The following LAMA1 variants were observed in gnomAD, a reference collection of about 807,000 sequenced individuals.
LAMA1 encodes laminin subunit alpha 1, also known as laminin subunit alpha-1.
A neutral mutation model predicts 348.7 loss-of-function variants in LAMA1; 219 were observed. The observed-to-expected ratio is 0.63, with a 90% CI of 0.56 to 0.70. The LOEUF (loss-of-function observed/expected upper bound fraction) is 0.70. Among genes scored for constraint, LAMA1 ranks in the 30% least tolerant of loss-of-function variants. The pLI is 0.00. For synonymous variants in LAMA1, 1,487 were observed against 1,491.0 expected (o/e 1.00, Z 0.06); for missense variants, 3,744 against 3,888.0 (o/e 0.96, Z 0.99).
intron 3 of LAMA1, among the ~76,000 whole-genome samples, chr18:7,069,555 T>C (rs1255284344): frequency 6.6e-6 from 1 of 152,130 alleles, no homozygotes; most frequent in African/African-American, 2.4e-5. Context: ...GGGTGGCTCA[T>C]ACAGCACAGG....
At chr18:7,049,370 G>A in intron 4 of LAMA1, 113 bp from the exon 5 acceptor site, 2 of 939,172 alleles carry the variant, frequency 2.1e-6, no homozygotes, top group Non-Finnish European at 3.3e-6. Flanking sequence ...CACAATCTTG[G>A]CTCACTGTAA....
intron 36 of LAMA1, among the ~76,000 whole-genome samples, chr18:6,988,551 G>A (rs1044110615): frequency 1.3e-5 from 2 of 152,252 alleles, no homozygotes; most frequent in South Asian, 2.1e-4. Flanking sequence ...TGTAATCCCC[G>A]CACTTTGGGA....
At chr18:7,014,196 G>A (rs900058506) in intron 22 of LAMA1, 145 bp from the exon 23 acceptor site, 18 of 748,876 alleles carry the variant, frequency 2.4e-5, no homozygotes, top group African/African-American at 1.9e-4. Context: ...ATGGATTCAC[G>A]TTGCCATGTG....
Position 7,014,069 on chromosome 18 carries a change from CA to C in LAMA1, c.3127-19del. 6.3e-7 allele frequency: 1 copy of C among 1,595,464 alleles called. No individual in the cohort carries two copies. The highest frequency in any genetic ancestry group is 8.6e-7 in the Non-Finnish European group (1 of 1,163,668). ...TTGCAGGCCTGAGAGAAGGGAAAAC[CA>C]ACTCAATTAAAAAGGCAGATTTGAT... On this transcript the variant is annotated intron_variant, in intron 22 of 62. Coordinates refer to ENST00000389658, the MANE Select transcript of LAMA1 (RefSeq NM_005559.4).
At chr18:7,017,522 A>G (rs1414335955) in intron 19 of LAMA1, 138 bp from the exon 20 acceptor site, 1 of 723,364 alleles carries the variant, frequency 1.4e-6, no homozygotes, top group African/African-American at 1.8e-5. Context: ...ATTATTGGCA[A>G]TAACTTTAGA....
chr18:6,955,506 C>T (rs369528705), intron 56 of LAMA1, 41 bp from the exon 57 acceptor site: 2 of 1,476,876 alleles, frequency 1.4e-6, no homozygotes, highest in South Asian at 1.1e-5. Flanking sequence ...CCACCCGCAG[C>T]CCGAACCCCA....
chr18:6,984,031 A>G (rs1403906421), intron 39 of LAMA1, among the ~76,000 whole-genome samples: 2 of 152,166 alleles, frequency 1.3e-5, no homozygotes, highest in Non-Finnish European at 2.9e-5. Flanking sequence ...AATTGTTTCT[A>G]TTACTCATAC....
intron 19 of LAMA1, among the ~76,000 whole-genome samples, chr18:7,018,336 CAAAAAAAAAA>C (rs764975447): frequency 1.4e-4 from 6 of 44,206 alleles, no homozygotes; most frequent in Non-Finnish European, 2.2e-4. Context: ...AACTCCATCT[CAAAAAAAAAA>C]AAAAAAAAAA....
At chr18:6,997,542 C>T (rs953403999) in intron 33 of LAMA1, among the ~76,000 whole-genome samples, 200 bp downstream of exon 33, 1 of 152,136 alleles carries the variant, frequency 6.6e-6, no homozygotes, top group Admixed American at 6.5e-5. Flanking sequence ...CACCGTGAAA[C>T]AAGCTAGCGT....
At chr18:6,976,605 T>G (rs182662096) in intron 44 of LAMA1, among the ~76,000 whole-genome samples, 1 of 151,322 alleles carries the variant, frequency 6.6e-6, no homozygotes, top group East Asian at 1.9e-4. Flanking sequence ...TTTATTTATT[T>G]ATTTATTTAT....
intron 22 of LAMA1, 146 bp from the exon 23 acceptor site, chr18:7,014,197 T>C (rs551605378): frequency 1.3e-5 from 10 of 749,454 alleles, no homozygotes; most frequent in Non-Finnish European, 2.1e-5. Context: ...TGGATTCACG[T>C]TGCCATGTGC....
chr18:7,083,676 C>T (rs928273300), intron 1 of LAMA1, among the ~76,000 whole-genome samples: 1 of 152,088 alleles, frequency 6.6e-6, no homozygotes, highest in Non-Finnish European at 1.5e-5. Context: ...AAAATATTCA[C>T]TAAAAATGAT....
Position 6,948,507 on chromosome 18 carries a change from T to A in LAMA1, c.8606A>T (p.Lys2869Ile). The change falls in exon 60 of 63, where the codon AAA (lysine) becomes ATA (isoleucine). Residue 2869 changes from lysine to isoleucine, a missense_variant. Lys to Ile is a moderately radical substitution (Grantham distance 102, BLOSUM62 -3). Around this residue, in one of 3 missense-constraint regions of LAMA1, gnomAD observed 1,983 missense variants for 1,934.3 expected, o/e 1.03. Coordinates refer to ENST00000389658, the MANE Select transcript of LAMA1 (RefSeq NM_005559.4). The part of the protein sequence containing the change: ...ACIGDVTVNS[K>I]QLDKDSPVSA... ...CACCGGGCTGTCCTTGTCCAGCTGT[T>A]TGCTGTTAACCGTCACATCCCCAAT... 6.2e-7 allele frequency: 1 copy of A among 1,614,200 alleles called. No homozygotes were observed. The highest frequency in any genetic ancestry group is 8.5e-7 in the Non-Finnish European group (1 of 1,180,040).
chr18:6,943,913 C>T (rs2057511387), intron 61 of LAMA1, among the ~76,000 whole-genome samples: 1 of 151,676 alleles, frequency 6.6e-6, no homozygotes, highest in Admixed American at 6.6e-5. Flanking sequence ...CGCAAATGGC[C>T]ACCTTCATGA....
At chr18:7,018,422 G>A (rs1471471497) in intron 19 of LAMA1, among the ~76,000 whole-genome samples, 1 of 144,592 alleles carries the variant, frequency 6.9e-6, no homozygotes, top group Non-Finnish European at 1.5e-5. Flanking sequence ...TTGAGACGGA[G>A]TGTCACTCTG....
chr18:7,042,874 T>G (rs1343692756), intron 8 of LAMA1: 1 of 248,296 alleles, frequency 4.0e-6, no homozygotes, highest in Non-Finnish European at 7.8e-6. Flanking sequence ...AGAGCGAGAC[T>G]CCGTCTCAAA....
chr18:7,036,184 A>G, intron 12 of LAMA1, 96 bp from the exon 13 acceptor site: 4 of 817,154 alleles, frequency 4.9e-6, no homozygotes, highest in Non-Finnish European at 8.5e-6. Context: ...TCTGCAAACA[A>G]CTAGGCTACA....
chr18:7,081,715 A>T (rs1039337378), intron 1 of LAMA1, among the ~76,000 whole-genome samples: 14 of 152,298 alleles, frequency 9.2e-5, no homozygotes, highest in Admixed American at 2.6e-4. Context: ...ATCTAGAAAC[A>T]ATGGTGTACG....
At chr18:7,069,471 T>C (rs2058137157) in intron 3 of LAMA1, among the ~76,000 whole-genome samples, 1 of 152,148 alleles carries the variant, frequency 6.6e-6, no homozygotes, top group African/African-American at 2.4e-5. Flanking sequence ...CCTCAAATTC[T>C]TCACCCCTCC....
Sources: gnomAD v4.1 joint callset for allele counts (sites outside exome capture counted in the v4.1 genomes callset) on GRCh38, gnomAD v4.1.1 for gene constraint, gnomAD v4.1.1 regional missense constraint, MANE v1.5 for transcripts, NCBI Gene and HGNC (gene_info 2026-07-23, HGNC 2026-07-21) for gene names.